PIP5K1B: variants seen among roughly 807,000 people sequenced by gnomAD.
The protein encoded by PIP5K1B is phosphatidylinositol 4-phosphate 5-kinase type-1 beta.
PIP5K1B carries 42 observed loss-of-function variants against 67.0 expected under a neutral mutation model. That is an observed-to-expected ratio of 0.63 (90% CI 0.49 to 0.81). The LOEUF (loss-of-function observed/expected upper bound fraction) is 0.81. Ranked by LOEUF, PIP5K1B falls within the 30% of genes least tolerant of loss-of-function variation. The pLI, the probability that PIP5K1B is intolerant of heterozygous loss-of-function variation, is 0.00. For missense variants in PIP5K1B, 459 were observed against 646.3 expected (o/e 0.71, Z 3.14); for synonymous variants, 214 against 231.4 (o/e 0.92, Z 0.68).
intron 6 of PIP5K1B, among the ~76,000 whole-genome samples, chr9:68,884,846 G>T (rs1385403930): frequency 6.6e-6 from 1 of 152,170 alleles, no homozygotes; most frequent in Non-Finnish European, 1.5e-5. Flanking sequence ...GGGAACTCTT[G>T]TATACTGTTG....
At chr9:68,824,822 G>A (rs944856) in intron 4 of PIP5K1B, among the ~76,000 whole-genome samples, 1 of 151,944 alleles carries the variant, frequency 6.6e-6, no homozygotes, top group Non-Finnish European at 1.5e-5. Flanking sequence ...GGTGGACTTA[G>A]GAGTTAGCTA....
intron 14 of PIP5K1B, among the ~76,000 whole-genome samples, chr9:68,959,838 C>T (rs765936451): frequency 5.9e-5 from 9 of 152,146 alleles, no homozygotes; most frequent in African/African-American, 7.2e-5. Context: ...TTGGTTCAGA[C>T]GCGTCGGATA....
At chr9:68,794,699 A>T (rs1481950397) in intron 2 of PIP5K1B, among the ~76,000 whole-genome samples, 1 of 85,242 alleles carries the variant, frequency 1.2e-5, no homozygotes, top group Non-Finnish European at 3.2e-5. Flanking sequence ...TGTAAATTAA[A>T]AAAAAAAAAA....
intron 8 of PIP5K1B, among the ~76,000 whole-genome samples, 196 bp downstream of exon 8, chr9:68,894,834 G>T (rs1824997814): frequency 6.6e-6 from 1 of 152,228 alleles, no homozygotes; most frequent in Non-Finnish European, 1.5e-5. Flanking sequence ...GTTATCTAGA[G>T]TCCTTAACCT....
intron 14 of PIP5K1B, among the ~76,000 whole-genome samples, chr9:68,944,244 T>C (rs1192031246): frequency 6.6e-6 from 1 of 152,228 alleles, no homozygotes. Flanking sequence ...TTTTATTTAC[T>C]AGTAAGAAGT....
rs1827086648 is a variant in PIP5K1B, at chr9:68,705,617, T to TC, written c.-386dup. 2 of 7,520 alleles carry TC rather than the reference T, an allele frequency of 2.7e-4. No homozygotes were observed. The highest frequency in any genetic ancestry group is 5.6e-4 in the Non-Finnish European group (2 of 3,596). 0.5% of individuals were successfully genotyped at this position (7,520 alleles called of 1,614,324 possible). A position where few individuals can be genotyped will look rare whatever the true frequency, so the allele number is the denominator to read the frequency against. On this transcript the variant is annotated 5_prime_UTR_variant, in exon 1 of 16. Coordinates refer to ENST00000265382, the MANE Select transcript of PIP5K1B (RefSeq NM_003558.4). Reference sequence around the variant, plus strand: ...GGCCCCGGCCCCGCCCGCCGCCCCCTCCGCCCTCCCGCCCCTCCCGCCCCT... The same window carrying TC: ...GGCCCCGGCCCCGCCCGCCGCCCCCTCCCGCCCTCCCGCCCCTCCCGCCCCT...
chr9:68,959,711 T>C (rs1010902270), intron 14 of PIP5K1B, among the ~76,000 whole-genome samples: 4 of 152,260 alleles, frequency 2.6e-5, no homozygotes, highest in African/African-American at 4.8e-5. Flanking sequence ...CTGTGCCCTG[T>C]TGTAAAGTTT....
chr9:68,754,842 A>G (rs1414212581), intron 2 of PIP5K1B, among the ~76,000 whole-genome samples: 2 of 152,186 alleles, frequency 1.3e-5, no homozygotes, highest in Non-Finnish European at 2.9e-5. Context: ...ACTATCATAA[A>G]TGATTTGTGA....
At chr9:68,818,979 T>C (rs1156731099) in intron 3 of PIP5K1B, among the ~76,000 whole-genome samples, 1 of 152,202 alleles carries the variant, frequency 6.6e-6, no homozygotes, top group East Asian at 1.9e-4. Context: ...AAAATACACA[T>C]GATTATAACT....
At chr9:68,833,223 G>A (rs1052847823) in intron 4 of PIP5K1B, among the ~76,000 whole-genome samples, 1 of 152,256 alleles carries the variant, frequency 6.6e-6, no homozygotes, top group Non-Finnish European at 1.5e-5. Context: ...AGGTACTGCT[G>A]CCTTTTAGAT....
chr9:68,818,046 T>A (rs535925477), intron 2 of PIP5K1B, among the ~76,000 whole-genome samples: 1 of 152,342 alleles, frequency 6.6e-6, no homozygotes, highest in African/African-American at 2.4e-5. Flanking sequence ...ATTGTCCACA[T>A]GTCACATGGT....
chr9:68,977,938 C>T (rs1383045079), intron 14 of PIP5K1B, among the ~76,000 whole-genome samples: 9 of 152,062 alleles, frequency 5.9e-5, no homozygotes, highest in Admixed American at 2.0e-4. Flanking sequence ...TGAGCCACCG[C>T]GCCTGGCCTA....
At chr9:68,806,430 T>C (rs562743311) in intron 2 of PIP5K1B, among the ~76,000 whole-genome samples, 4 of 152,374 alleles carry the variant, frequency 2.6e-5, no homozygotes, top group South Asian at 2.1e-4. Context: ...CAGCAGGCTC[T>C]AGAGTCACCC....
At chr9:68,888,378 G>A (rs966630318) in intron 6 of PIP5K1B, among the ~76,000 whole-genome samples, 4 of 152,220 alleles carry the variant, frequency 2.6e-5, no homozygotes, top group African/African-American at 9.6e-5. Context: ...GCACCATGTG[G>A]GCTAACCACA....
intron 12 of PIP5K1B, among the ~76,000 whole-genome samples, chr9:68,923,631 T>C (rs1225894228): frequency 6.6e-6 from 1 of 152,194 alleles, no homozygotes; most frequent in African/African-American, 2.4e-5. Context: ...AAATATATTA[T>C]GATACAGTCA....
chr9:68,879,131 T>G (rs568114252), intron 6 of PIP5K1B, among the ~76,000 whole-genome samples: 247 of 152,334 alleles, frequency 1.6e-3, no homozygotes, highest in Middle Eastern at 3.4e-3. Context: ...ATAACTTTTT[T>G]GTGGGATAAT....
intron 11 of PIP5K1B, among the ~76,000 whole-genome samples, chr9:68,922,922 G>C (rs1212812829): frequency 6.6e-6 from 1 of 152,120 alleles, no homozygotes; most frequent in Admixed American, 6.6e-5. Flanking sequence ...ATGATTAAGG[G>C]AGTTACCCTT....
chr9:68,772,127 C>T (rs1359585650), intron 2 of PIP5K1B, among the ~76,000 whole-genome samples: 1 of 152,176 alleles, frequency 6.6e-6, no homozygotes, highest in African/African-American at 2.4e-5. Flanking sequence ...CAAAAAATTT[C>T]CCTAAGGCAT....
intron 14 of PIP5K1B, among the ~76,000 whole-genome samples, chr9:68,964,641 G>A (rs989137898): frequency 1.5e-4 from 23 of 152,172 alleles, no homozygotes; most frequent in African/African-American, 5.1e-4. Flanking sequence ...TACAAAGAAA[G>A]GATTGTTCTA....
Sources: allele counts gnomAD v4.1 joint callset (sites outside exome capture counted in the v4.1 genomes callset), GRCh38; gene constraint gnomAD v4.1.1; transcripts MANE v1.5; gene names NCBI Gene and HGNC (gene_info 2026-07-23, HGNC 2026-07-21).